EFHC2: variants seen among roughly 807,000 people sequenced by gnomAD.
The protein encoded by EFHC2 is EF-hand domain-containing family member C2.
EFHC2 carries 18 observed loss-of-function variants against 52.7 expected under a neutral mutation model. That is an observed-to-expected ratio of 0.34 (90% CI 0.24 to 0.51). The LOEUF (loss-of-function observed/expected upper bound fraction) is 0.51, where lower values mean the gene tolerates loss of function less well. Ranked by LOEUF, EFHC2 falls within the 20% of genes least tolerant of loss-of-function variation. The pLI is 0.97. For synonymous variants in EFHC2, 203 were observed against 204.1 expected, an observed-to-expected ratio of 0.99 and a Z score of 0.04; for missense variants, 513 against 562.5, an observed-to-expected ratio of 0.91 and a Z score of 0.89.
intron 2 of EFHC2, among the ~76,000 whole-genome samples, chrX:44,291,802 TACTG>T (rs1452712528): frequency 8.9e-6 from 1 of 112,509 alleles, no homozygotes; most frequent in Non-Finnish European, 1.9e-5. Flanking sequence ...TGTATAAAAA[TACTG>T]AATAATATAT....
At chrX:44,168,308 G>A (rs907935911) in intron 13 of EFHC2, among the ~76,000 whole-genome samples, 23 of 111,718 alleles carry the variant, frequency 2.1e-4, no homozygotes, top group Non-Finnish European at 3.6e-4. Flanking sequence ...CGAGGTGGGC[G>A]GATCACGAGG....
chrX:44,264,055 T>C (rs1342755504), intron 3 of EFHC2, among the ~76,000 whole-genome samples: 1 of 112,100 alleles, frequency 8.9e-6, no homozygotes, highest in South Asian at 3.7e-4. Context: ...ATACATGAAA[T>C]ATGAATATTC....
chrX:44,336,717 C>A (rs1188346090), intron 1 of EFHC2, among the ~76,000 whole-genome samples: 2 of 111,916 alleles, frequency 1.8e-5, no homozygotes, highest in Admixed American at 1.9e-4. Context: ...CTTCTCATTC[C>A]AGTTGAAAAT....
intron 8 of EFHC2, among the ~76,000 whole-genome samples, chrX:44,239,554 C>G (rs2037345075): frequency 8.9e-6 from 1 of 111,969 alleles, no homozygotes; most frequent in South Asian, 3.7e-4. Context: ...AGTCAGATTT[C>G]CCTGGGTTCA....
At chrX:44,194,270 T>C (rs2036945166) in intron 11 of EFHC2, among the ~76,000 whole-genome samples, 1 of 112,059 alleles carries the variant, frequency 8.9e-6, no homozygotes, top group African/African-American at 3.2e-5. Flanking sequence ...TTGGGTCTTC[T>C]ATGAAGAATT....
At chrX:44,196,376 T>C (rs997927706) in intron 11 of EFHC2, among the ~76,000 whole-genome samples, 7 of 112,362 alleles carry the variant, frequency 6.2e-5, no homozygotes, top group African/African-American at 2.3e-4. Flanking sequence ...CTGGCTCCCC[T>C]GTTCTTTCTT....
chrX:44,305,823 C>T (rs972388856), intron 2 of EFHC2, among the ~76,000 whole-genome samples: 1 of 112,399 alleles, frequency 8.9e-6, no homozygotes, highest in Non-Finnish European at 1.9e-5. Context: ...AAGATAGCTG[C>T]TGTGCCCTAG....
At chrX:44,196,714 G>A (rs2036968652) in intron 11 of EFHC2, among the ~76,000 whole-genome samples, 1 of 112,255 alleles carries the variant, frequency 8.9e-6, no homozygotes, top group Admixed American at 9.4e-5. Flanking sequence ...TCTAGACCCA[G>A]AGTGTAAGTT....
At chrX:44,214,488 C>T (rs1483639239) in intron 11 of EFHC2, among the ~76,000 whole-genome samples, 1 of 112,074 alleles carries the variant, frequency 8.9e-6, no homozygotes, top group African/African-American at 3.2e-5. Flanking sequence ...GAGAAAAAGA[C>T]CACCAATCTA....
chrX:44,248,226 CAATTT>C (rs1181601720), intron 7 of EFHC2, 41 bp downstream of exon 7: 4 of 1,057,036 alleles, frequency 3.8e-6, no homozygotes, highest in Non-Finnish European at 3.8e-6. Flanking sequence ...AGGGAACAAA[CAATTT>C]AATTTTAAAA....
chrX:44,289,273 T>A (rs747617671), intron 2 of EFHC2, among the ~76,000 whole-genome samples: 1 of 111,834 alleles, frequency 8.9e-6, no homozygotes, highest in Non-Finnish European at 1.9e-5. Flanking sequence ...GACCTCCCCA[T>A]GGTTGAACTG....
intron 2 of EFHC2, 104 bp downstream of exon 2, chrX:44,312,464 C>A: frequency 1.7e-6 from 1 of 588,502 alleles, no homozygotes; most frequent in Non-Finnish European, 2.4e-6. Context: ...AGAAAAAGAA[C>A]TAGCCTTAAC....
chrX:44,314,750 G>T (rs1282134791), intron 1 of EFHC2, among the ~76,000 whole-genome samples: 1 of 111,609 alleles, frequency 9.0e-6, no homozygotes, highest in Admixed American at 9.5e-5. Context: ...ATTCAATAAT[G>T]ATATACTGTC....
intron 2 of EFHC2, among the ~76,000 whole-genome samples, chrX:44,299,172 G>GC (rs1328337255): frequency 1.8e-5 from 2 of 110,759 alleles, no homozygotes; most frequent in African/African-American, 6.6e-5. Context: ...AAAATTCTAA[G>GC]CCCCCCAGCC....
At chrX:44,288,106 T>C (rs2037766097) in intron 2 of EFHC2, among the ~76,000 whole-genome samples, 1 of 111,614 alleles carries the variant, frequency 9.0e-6, no homozygotes, top group African/African-American at 3.3e-5. Context: ...CATGGTAAAA[T>C]TGATTTTTTA....
At position 44,178,438 on chromosome X, in the gene EFHC2, T is replaced by C. The variant is rs1199432634; in HGVS notation, c.1878A>G (p.Glu626=). The change falls in exon 12 of 15, where the codon GAA becomes GAG. Residue 626 remains glutamate (E), a synonymous_variant. Transcript: ENST00000420999. ...TCTCAAACATATTTTTCTTGAACTTTTCGTGGGCCAGTGCGATTAAGAAAT... is the reference window on the plus strand; with the variant it reads ...TCTCAAACATATTTTTCTTGAACTTCTCGTGGGCCAGTGCGATTAAGAAAT... ...DMDFLIALAH[E]KFKKNMFENF... The C allele has an allele frequency of 8.3e-7, 1 of 1,206,112 alleles. No individual in the cohort carries two copies. The highest frequency in any genetic ancestry group is 2.2e-5 in the Admixed American group (1 of 45,573).
chrX:44,307,942 A>AT (rs1236541125), intron 2 of EFHC2, among the ~76,000 whole-genome samples: 1 of 110,951 alleles, frequency 9.0e-6, no homozygotes, highest in Non-Finnish European at 1.9e-5. Context: ...TCAAAAAAAA[A>AT]AAAAAATTTT....
At chrX:44,331,533 A>G (rs1359590532) in intron 1 of EFHC2, among the ~76,000 whole-genome samples, 1 of 112,113 alleles carries the variant, frequency 8.9e-6, no homozygotes, top group East Asian at 2.8e-4. Context: ...ACACAAACAT[A>G]CAAATGAATA....
intron 1 of EFHC2, among the ~76,000 whole-genome samples, chrX:44,315,269 G>A (rs893409824): frequency 9.1e-6 from 1 of 109,576 alleles, no homozygotes; most frequent in African/African-American, 3.3e-5. Flanking sequence ...CACACTTCTT[G>A]TACAGCCTGC....
Sources: allele counts gnomAD v4.1 joint callset (sites outside exome capture counted in the v4.1 genomes callset), GRCh38; gene constraint gnomAD v4.1.1; transcripts MANE v1.5; gene names NCBI Gene and HGNC (gene_info 2026-07-23, HGNC 2026-07-21).